EVI5: variants seen among roughly 807,000 people sequenced by gnomAD.
EVI5 encodes the protein ecotropic viral integration site 5 protein homolog.
In EVI5, 73 loss-of-function variants were observed where a neutral mutation model predicts 112.0. The observed-to-expected ratio is 0.65, with a 90% CI of 0.54 to 0.79. EVI5 has a LOEUF of 0.79. Among genes scored for constraint, EVI5 ranks in the 30% least tolerant of loss-of-function variants. The probability of loss-of-function intolerance (pLI) is 0.00; values close to 1 mark genes in which losing one functional copy is unlikely to be tolerated. For synonymous variants in EVI5, 305 were observed against 319.9 expected (o/e 0.95, Z 0.50); for missense variants, 900 against 968.8 (o/e 0.93, Z 0.94).
chr1:92,607,556 A>G (rs1433544522), intron 17 of EVI5, 25 bp downstream of exon 17: 10 of 1,523,192 alleles, frequency 6.6e-6, no homozygotes, highest in Admixed American at 2.3e-5. Context: ...GACAAAAAAC[A>G]AAATCAGTTA....
upstream of EVI5, among the ~76,000 whole-genome samples, chr1:92,789,237 T>G (rs1447457602): frequency 1.3e-5 from 2 of 152,202 alleles, no homozygotes; most frequent in Admixed American, 6.5e-5. Context: ...TTTTATTAAT[T>G]TAAAAGACTG....
intron 13 of EVI5, 147 bp downstream of exon 13, chr1:92,662,572 A>G: frequency 2.2e-6 from 1 of 453,536 alleles, no homozygotes; most frequent in Non-Finnish European, 3.2e-6. Flanking sequence ...CCTAAATATC[A>G]CAGAACATAA....
upstream of EVI5, among the ~76,000 whole-genome samples, chr1:92,786,030 G>T (rs1685601421): frequency 6.6e-6 from 1 of 151,560 alleles, no homozygotes; most frequent in African/African-American, 2.4e-5. Flanking sequence ...GGTGGAGGTT[G>T]CAGTGAGCCA....
intron 2 of EVI5, among the ~76,000 whole-genome samples, chr1:92,709,307 C>G (rs898665673): frequency 2.6e-5 from 4 of 152,104 alleles, no homozygotes; most frequent in Non-Finnish European, 5.9e-5. Context: ...TCAAACTTTA[C>G]ACTTAAGAAC....
intron 18 of EVI5, among the ~76,000 whole-genome samples, chr1:92,584,875 A>G (rs2101132108): frequency 6.6e-6 from 1 of 152,322 alleles, no homozygotes; most frequent in African/African-American, 2.4e-5. Context: ...ATTTAATTCC[A>G]TTTCAGAAGA....
At chr1:92,782,003 G>A (rs1241585630) in intron 1 of EVI5, among the ~76,000 whole-genome samples, 2 of 136,272 alleles carry the variant, frequency 1.5e-5, no homozygotes, top group Non-Finnish European at 3.1e-5. Context: ...GCTCACACCT[G>A]TAATCCCAGC....
intron 10 of EVI5, among the ~76,000 whole-genome samples, chr1:92,669,546 T>TAAAAAAAAAAAAAAAAAAAAAAAA (rs1558034630): frequency 3.1e-4 from 2 of 6,554 alleles, no homozygotes; most frequent in East Asian, 0.045. Context: ...AGGCTCTGTC[T>TAAAAAAAAAAAAAAAAAAAAAAAA]CAAAAAAAAA....
chr1:92,774,976 A>C (rs1022397565), intron 1 of EVI5, among the ~76,000 whole-genome samples: 2 of 152,248 alleles, frequency 1.3e-5, no homozygotes, highest in African/African-American at 4.8e-5. Context: ...ATCAATCTAC[A>C]TTCTTCCAAT....
intron 9 of EVI5, among the ~76,000 whole-genome samples, chr1:92,687,745 T>C (rs966046484): frequency 3.3e-5 from 5 of 152,180 alleles, no homozygotes; most frequent in Non-Finnish European, 7.3e-5. Flanking sequence ...CAAATACTTC[T>C]CAAAAGAAGA....
At chr1:92,726,560 TAAAG>T (rs984173872) in intron 2 of EVI5, among the ~76,000 whole-genome samples, 12 of 152,260 alleles carry the variant, frequency 7.9e-5, no homozygotes, top group African/African-American at 2.9e-4. Flanking sequence ...CATGAAATGT[TAAAG>T]AAAAAGTATT....
At chr1:92,686,615 G>T (rs1668574457) in intron 9 of EVI5, among the ~76,000 whole-genome samples, 1 of 152,166 alleles carries the variant, frequency 6.6e-6, no homozygotes, top group African/African-American at 2.4e-5. Flanking sequence ...GTCCCTGTTT[G>T]CAGATGACAT....
At chr1:92,532,317 C>T (rs1663005162) in intron 19 of EVI5, among the ~76,000 whole-genome samples, 2 of 152,120 alleles carry the variant, frequency 1.3e-5, no homozygotes, top group Admixed American at 1.3e-4. Flanking sequence ...GAGACTTAGA[C>T]TCCTACACAA....
At chr1:92,783,416 C>T (rs1685120561) in intron 1 of EVI5, among the ~76,000 whole-genome samples, 1 of 146,700 alleles carries the variant, frequency 6.8e-6, no homozygotes, top group Admixed American at 6.9e-5. Context: ...CGCCTGTAAT[C>T]CCAGCTACTC....
chr1:92,618,515 A>G (rs1225117005), intron 16 of EVI5, among the ~76,000 whole-genome samples: 4 of 152,338 alleles, frequency 2.6e-5, no homozygotes, highest in Non-Finnish European at 5.9e-5. Context: ...AAGAGTATGC[A>G]TGGAATACAG....
intron 17 of EVI5, 114 bp from the exon 18 acceptor site, chr1:92,605,516 A>C: frequency 3.0e-6 from 2 of 677,124 alleles, no homozygotes; most frequent in Non-Finnish European, 2.6e-6. Context: ...GCAGGGTCTA[A>C]GGCAGCATCC....
intron 2 of EVI5, among the ~76,000 whole-genome samples, chr1:92,728,474 G>A (rs577807160): frequency 1.3e-5 from 2 of 151,582 alleles, no homozygotes; most frequent in East Asian, 3.9e-4. Context: ...TGCAATCTCT[G>A]TCTCCTGGGT....
intron 14 of EVI5, among the ~76,000 whole-genome samples, chr1:92,626,399 T>G (rs1416955556): frequency 6.6e-6 from 1 of 152,198 alleles, no homozygotes; most frequent in East Asian, 1.9e-4. Context: ...ACTGTATAGA[T>G]ATACCACATT....
chr1:92,654,417 T>C (rs1292925750), intron 13 of EVI5, among the ~76,000 whole-genome samples: 1 of 152,098 alleles, frequency 6.6e-6, no homozygotes, highest in Admixed American at 6.5e-5. Flanking sequence ...ACAACTAGCA[T>C]TTGAGAAAAC....
At chr1:92,670,685 G>C (rs1246640146) in intron 10 of EVI5, among the ~76,000 whole-genome samples, 1 of 151,760 alleles carries the variant, frequency 6.6e-6, no homozygotes, top group African/African-American at 2.4e-5. Flanking sequence ...ATCCCCCTAG[G>C]TCACTATTTC....
Sources: gnomAD v4.1 joint callset for allele counts (sites outside exome capture counted in the v4.1 genomes callset) on GRCh38, gnomAD v4.1.1 for gene constraint, MANE v1.5 for transcripts, NCBI Gene and HGNC (gene_info 2026-07-23, HGNC 2026-07-21) for gene names.